Variants in TDRD7 observed in about 807,000 individuals in gnomAD.
TDRD7 encodes the protein tudor domain-containing protein 7.
Under a neutral mutation model 109.8 loss-of-function variants are expected in TDRD7, and 47 were observed. The observed-to-expected ratio is 0.43, with a 90% CI of 0.34 to 0.55. The LOEUF is 0.55. TDRD7 is among the 20% of genes least tolerant of loss of function. The probability of loss-of-function intolerance (pLI) is 0.03; values close to 1 mark genes in which losing one functional copy is unlikely to be tolerated. For synonymous variants in TDRD7, 424 were observed against 457.3 expected, an observed-to-expected ratio of 0.93 and a Z score of 0.93; for missense variants, 1,164 against 1,319.2, an observed-to-expected ratio of 0.88 and a Z score of 1.82.
chr9:97,413,031 C>T (rs1827746567), intron 1 of TDRD7, among the ~76,000 whole-genome samples: 1 of 152,184 alleles, frequency 6.6e-6, no homozygotes, highest in Non-Finnish European at 1.5e-5. Context: ...GAAACAACCA[C>T]ATTAGAACAA....
At chr9:97,416,195 A>T (rs1457825309) in intron 1 of TDRD7, among the ~76,000 whole-genome samples, 2 of 152,224 alleles carry the variant, frequency 1.3e-5, no homozygotes, top group Non-Finnish European at 2.9e-5. Flanking sequence ...ATAGAGAGTT[A>T]TAGTCCTCCA....
At chr9:97,431,535 T>G (rs1193627029) in intron 3 of TDRD7, among the ~76,000 whole-genome samples, 4 of 152,204 alleles carry the variant, frequency 2.6e-5, no homozygotes, top group Non-Finnish European at 5.9e-5. Context: ...CTCAAGGATC[T>G]TACAATCAGT....
Position 97,488,807 on chromosome 9 carries a change from C to T in TDRD7, c.3076+1475C>T, listed in dbSNP as rs1410511697. On this transcript the variant is annotated intron_variant, in intron 16 of 16. Transcript: ENST00000355295. ...ATATGCATTCGGTGCTACAAGTTTC[C>T]CTCTAAGTACAGCTTTGGCTGCATC... 2.0e-5 allele frequency among the ~76,000 whole-genome samples: 3 copies of T among 152,116 alleles called. No individual in the cohort carries two copies. In the East Asian group the frequency reaches 5.8e-4, roughly 29 times the overall value.
intron 2 of TDRD7, among the ~76,000 whole-genome samples, chr9:97,429,674 A>G (rs889494867): frequency 2.0e-5 from 3 of 152,204 alleles, no homozygotes; most frequent in Non-Finnish European, 2.9e-5. Context: ...ATCGTTCCAG[A>G]CAGACTTAAG....
rs1410661773 is a variant in TDRD7, at chr9:97,412,622, C to T, written c.-7+384C>T. ...ACCAGGAAGTGGTTCCCGCTACCGGCGCGACAGGCCGCAGCCGCCGCCCCC... is the reference window on the plus strand; with the variant it reads ...ACCAGGAAGTGGTTCCCGCTACCGGTGCGACAGGCCGCAGCCGCCGCCCCC... On this transcript the variant is annotated intron_variant, in intron 1 of 16. Transcript: ENST00000355295. This position sits in a 1 kb window ranked among gnomAD's most constrained non-coding sequence, Gnocchi z 4.3. Among the ~76,000 whole-genome samples the T allele has an allele frequency of 6.6e-6, 1 of 152,240 alleles. No individual in the cohort carries two copies. The highest frequency in any genetic ancestry group is 1.9e-4 in the East Asian group (1 of 5,188).
At chr9:97,487,939 A>C (rs996008525) in intron 16 of TDRD7, among the ~76,000 whole-genome samples, 1 of 152,192 alleles carries the variant, frequency 6.6e-6, no homozygotes, top group Admixed American at 6.5e-5. Flanking sequence ...GACCATTTTC[A>C]TGACCAAGTG....
intron 9 of TDRD7, 150 bp from the exon 10 acceptor site, chr9:97,472,143 A>T: frequency 1.4e-6 from 1 of 717,006 alleles, no homozygotes; most frequent in South Asian, 1.7e-5. Context: ...AGGTAAGATA[A>T]AGATTGTAAA....
At chr9:97,481,718 T>C (rs767735309) in intron 14 of TDRD7, among the ~76,000 whole-genome samples, 7 of 152,210 alleles carry the variant, frequency 4.6e-5, no homozygotes, top group Non-Finnish European at 8.8e-5. Context: ...AATACTGTTT[T>C]CTCAGCTACT....
chr9:97,419,064 T>C (rs1827857040), intron 1 of TDRD7, among the ~76,000 whole-genome samples: 1 of 152,214 alleles, frequency 6.6e-6, no homozygotes, highest in Non-Finnish European at 1.5e-5. Flanking sequence ...TCGTTTACAC[T>C]GGTCACACCC....
chr9:97,470,769 A>C, intron 9 of TDRD7, 100 bp downstream of exon 9: 1 of 834,244 alleles, frequency 1.2e-6, no homozygotes, highest in South Asian at 1.5e-5. Context: ...ATCTCATGTT[A>C]TAATGTGTTA....
At chr9:97,415,581 C>A (rs1827798114) in intron 1 of TDRD7, among the ~76,000 whole-genome samples, 1 of 152,182 alleles carries the variant, frequency 6.6e-6, no homozygotes, top group Non-Finnish European at 1.5e-5. Flanking sequence ...CTCCCCACCC[C>A]ACCTCATGTG....
chr9:97,480,580 G>A (rs756720582), intron 13 of TDRD7: 17 of 476,062 alleles, frequency 3.6e-5, no homozygotes, highest in African/African-American at 2.4e-4. Flanking sequence ...AGTATTGTAC[G>A]GTGGGAAGTA....
At chr9:97,451,877 A>AC (rs112440018) in intron 6 of TDRD7, among the ~76,000 whole-genome samples, 81 of 151,546 alleles carry the variant, frequency 5.3e-4, no homozygotes, top group South Asian at 2.3e-3. Context: ...AAGTGGGGAG[A>AC]CCCCCCCACC....
intron 13 of TDRD7, 153 bp from the exon 14 acceptor site, chr9:97,480,675 G>T: frequency 1.4e-6 from 1 of 705,912 alleles, no homozygotes; most frequent in Non-Finnish European, 2.6e-6. Flanking sequence ...CATAGCAGAT[G>T]CTCAAACCAG....
chr9:97,439,922 T>TC (rs1828272390), intron 5 of TDRD7, among the ~76,000 whole-genome samples: 1 of 152,196 alleles, frequency 6.6e-6, no homozygotes, highest in East Asian at 1.9e-4. Flanking sequence ...AATGTGTAAA[T>TC]CCCCTGCTCA....
intron 1 of TDRD7, among the ~76,000 whole-genome samples, chr9:97,425,932 C>A (rs573409670): frequency 5.9e-5 from 9 of 152,094 alleles, no homozygotes; most frequent in African/African-American, 9.7e-5. Context: ...AGGCTTCAAC[C>A]CTGTTCAGCA....
Position 97,441,696 on chromosome 9 carries a change from C to A in TDRD7, c.676C>A (p.Pro226Thr). The A allele has an allele frequency of 6.2e-7, 1 of 1,612,746 alleles. No homozygotes were observed. Residue 226 changes from proline (P) to threonine (T), a missense_variant, in exon 6 of 17, where the codon CCT becomes ACT. This residue lies in a region of TDRD7 where 407 missense variants were observed against 394.0 expected (regional missense o/e 1.03). Transcript: ENST00000355295. Reference sequence around the variant, plus strand: ...GACTGTTGAAAAACCCAATGTCAAGCCTCCTGCCTCTTACACTTATAAAAT... The same window carrying A: ...GACTGTTGAAAAACCCAATGTCAAGACTCCTGCCTCTTACACTTATAAAAT... ...NQTVEKPNVK[P>T]PASYTYKMDE... is the part of the protein sequence containing the mutation.
chr9:97,443,775 T>C (rs1828353001), intron 6 of TDRD7, among the ~76,000 whole-genome samples: 1 of 152,208 alleles, frequency 6.6e-6, no homozygotes, highest in Admixed American at 6.5e-5. Flanking sequence ...TACATGGGTA[T>C]TTGCACACCG....
At chr9:97,484,236 A>G (rs1481946340) in intron 15 of TDRD7, among the ~76,000 whole-genome samples, 3 of 152,166 alleles carry the variant, frequency 2.0e-5, no homozygotes, top group African/African-American at 7.2e-5. Context: ...TTAGCGCTTC[A>G]GTGTTTTTTC....
Sources: gnomAD v4.1 joint callset for allele counts (sites outside exome capture counted in the v4.1 genomes callset) on GRCh38, gnomAD v4.1.1 for gene constraint, gnomAD v4.1.1 regional missense constraint, Gnocchi (gnomAD v3.1) non-coding constraint, MANE v1.5 for transcripts, NCBI Gene and HGNC (gene_info 2026-07-23, HGNC 2026-07-21) for gene names.